The following SMOC2 variants were observed in gnomAD, a reference collection of about 807,000 sequenced individuals.
SMOC2 encodes the protein SPARC-related modular calcium-binding protein 2.
Under a neutral mutation model 61.4 loss-of-function variants are expected in SMOC2, and 39 were observed. That is an observed-to-expected ratio of 0.64 (90% CI 0.49 to 0.83). The LOEUF is 0.83. SMOC2 is among the 40% of genes least tolerant of loss of function. The pLI is 0.00. For missense variants in SMOC2, 556 were observed against 592.9 expected, an observed-to-expected ratio of 0.94 and a Z score of 0.65; for synonymous variants, 247 against 239.9, an observed-to-expected ratio of 1.03 and a Z score of -0.27.
chr6:168,622,402 ACTC>A (rs1392715092), intron 9 of SMOC2, among the ~76,000 whole-genome samples: 1 of 151,230 alleles, frequency 6.6e-6, no homozygotes, highest in African/African-American at 2.4e-5. Context: ...GTTCAATTAA[ACTC>A]CTTTACATTA....
At chr6:168,592,494 G>T (rs1422677734) in intron 7 of SMOC2, among the ~76,000 whole-genome samples, 2 of 57,708 alleles carry the variant, frequency 3.5e-5, no homozygotes, top group Admixed American at 2.5e-4. Flanking sequence ...CTAGAGGATC[G>T]CGGAGCTCCT....
intron 7 of SMOC2, among the ~76,000 whole-genome samples, chr6:168,588,943 G>A (rs1405365552): frequency 7.0e-6 from 1 of 142,246 alleles, no homozygotes; most frequent in Non-Finnish European, 1.5e-5. Context: ...AATTGGGCGT[G>A]GTGGTGTGTC....
chr6:168,533,560 C>T (rs1014901975), intron 4 of SMOC2, among the ~76,000 whole-genome samples: 4 of 152,138 alleles, frequency 2.6e-5, no homozygotes, highest in South Asian at 2.1e-4. Context: ...CTGAGATCAA[C>T]GAGGCAGCTG....
chr6:168,489,027 G>C (rs1354430102), intron 1 of SMOC2, among the ~76,000 whole-genome samples: 1 of 149,158 alleles, frequency 6.7e-6, no homozygotes, highest in African/African-American at 2.5e-5. Flanking sequence ...GAATCATCTG[G>C]GTCCCCTTGG....
intron 9 of SMOC2, among the ~76,000 whole-genome samples, chr6:168,647,970 A>G (rs201714816): frequency 6.9e-6 from 1 of 145,396 alleles, no homozygotes; most frequent in Non-Finnish European, 1.5e-5. Context: ...CAGCTTTTAT[A>G]TTATGTTAGT....
chr6:168,616,569 G>A (rs1442452967), intron 9 of SMOC2, among the ~76,000 whole-genome samples: 3 of 152,206 alleles, frequency 2.0e-5, no homozygotes, highest in Non-Finnish European at 4.4e-5. Flanking sequence ...GGAAGAGAGA[G>A]CTGAATCTAC....
At chr6:168,606,981 A>C (rs1449189644) in intron 8 of SMOC2, among the ~76,000 whole-genome samples, 4 of 151,900 alleles carry the variant, frequency 2.6e-5, no homozygotes, top group African/African-American at 7.3e-5. Flanking sequence ...AGGTCAGCTG[A>C]GTGGAGGGGA....
intron 7 of SMOC2, among the ~76,000 whole-genome samples, chr6:168,573,069 C>T (rs1784707554): frequency 1.2e-5 from 1 of 86,946 alleles, no homozygotes; most frequent in African/African-American, 6.4e-5. Context: ...GTGCGGGGAC[C>T]AGGGCTGCGT....
intron 5 of SMOC2, among the ~76,000 whole-genome samples, 170 bp downstream of exon 5, chr6:168,543,842 C>T (rs1047424733): frequency 6.6e-6 from 1 of 152,186 alleles, no homozygotes; most frequent in Admixed American, 6.5e-5. Context: ...ATCACCAGCT[C>T]TGTTGGGCCT....
rs562962146 is a variant in SMOC2, at chr6:168,567,449, T to A, written c.637+18246T>A. 2.2e-4 allele frequency among the ~76,000 whole-genome samples: 33 copies of A among 152,350 alleles called. No individual in the cohort carries two copies. In the South Asian group the frequency reaches 6.8e-3, roughly 32 times the overall value. On this transcript the variant is annotated intron_variant, in intron 7 of 12. Coordinates refer to ENST00000356284, the MANE Select transcript of SMOC2 (RefSeq NM_001166412.2). ...GTTGATAAATTACTTAAGATATTTC[T>A]CTTTGTTTAATGCTTTACCTTTGTG... is the stretch of plus-strand genomic sequence containing the variant.
At chr6:168,489,508 G>A (rs958392261) in intron 1 of SMOC2, among the ~76,000 whole-genome samples, 48 of 138,390 alleles carry the variant, frequency 3.5e-4, no homozygotes, top group Non-Finnish European at 4.9e-4. Context: ...ATATCAAATC[G>A]TCTGGGTCCC....
rs185569444 is a variant in SMOC2 at position 168,479,115 on chromosome 6, G to T, written c.85-30800G>T. On this transcript the variant is annotated intron_variant, in intron 1 of 12. Transcript: ENST00000356284. ...GGAAAAGGAGTCAGGAACGTTGAATGATTTATGGTATCTGGTCTGGAACAG... is the reference window on the plus strand; with the variant it reads ...GGAAAAGGAGTCAGGAACGTTGAATTATTTATGGTATCTGGTCTGGAACAG... Among the ~76,000 whole-genome samples, 881 of 151,058 alleles carry T rather than the reference G, an allele frequency of 5.8e-3. 3 individuals are homozygous for T. Among genetic ancestry groups the T allele is most frequent in the Non-Finnish European group, 9.8e-3 (666 of 67,776 alleles).
intron 9 of SMOC2, among the ~76,000 whole-genome samples, chr6:168,625,121 C>T (rs887103121): frequency 2.6e-5 from 4 of 152,216 alleles, no homozygotes; most frequent in Non-Finnish European, 5.9e-5. Context: ...TCCTGCTTCG[C>T]GTTTGCTCCC....
At chr6:168,505,564 A>G in intron 1 of SMOC2, among the ~76,000 whole-genome samples, 1 of 152,180 alleles carries the variant, frequency 6.6e-6, no homozygotes, top group East Asian at 1.9e-4. Flanking sequence ...GAATGAGTGA[A>G]TGGAATGTCC....
intron 6 of SMOC2, among the ~76,000 whole-genome samples, chr6:168,548,811 TA>T (rs1305374741): frequency 2.0e-5 from 3 of 152,248 alleles, no homozygotes; most frequent in African/African-American, 7.2e-5. Flanking sequence ...ATAGCCATTT[TA>T]ACTACACAAG....
At chr6:168,518,763 A>G (rs183303845) in intron 2 of SMOC2, among the ~76,000 whole-genome samples, 2 of 149,134 alleles carry the variant, frequency 1.3e-5, no homozygotes, top group Non-Finnish European at 3.0e-5. Context: ...GTGTGTGTTC[A>G]TGTGCGTGTG....
At chr6:168,589,239 T>C (rs1472554232) in intron 7 of SMOC2, among the ~76,000 whole-genome samples, 2 of 152,242 alleles carry the variant, frequency 1.3e-5, no homozygotes, top group African/African-American at 4.8e-5. Context: ...ATACTTGTAA[T>C]AATTCCTGAA....
chr6:168,461,114 G>T (rs1041114810), intron 1 of SMOC2, among the ~76,000 whole-genome samples: 1 of 152,224 alleles, frequency 6.6e-6, no homozygotes, highest in African/African-American at 2.4e-5. Context: ...TTCCATGTGG[G>T]TGGGGAAGCC....
intron 7 of SMOC2, among the ~76,000 whole-genome samples, chr6:168,590,374 GC>G (rs1246387782): frequency 5.4e-5 from 5 of 92,202 alleles, no homozygotes; most frequent in African/African-American, 2.0e-4. Flanking sequence ...TTACGGGGCA[GC>G]CGGTCTGGTG....
Sources: gnomAD v4.1 joint callset for allele counts (sites outside exome capture counted in the v4.1 genomes callset) on GRCh38, gnomAD v4.1.1 for gene constraint, MANE v1.5 for transcripts, NCBI Gene and HGNC (gene_info 2026-07-23, HGNC 2026-07-21) for gene names.